The following SCHIP1 variants were observed in gnomAD, a reference collection of about 807,000 sequenced individuals.
SCHIP1 encodes the protein schwannomin interacting protein 1.
Under a neutral mutation model 29.7 loss-of-function variants are expected in SCHIP1, and 8 were observed. The ratio of observed to expected loss-of-function variants is 0.27; its 90% CI spans 0.16 to 0.49. The LOEUF (loss-of-function observed/expected upper bound fraction) is 0.49. SCHIP1 is among the 20% of genes least tolerant of loss of function. The probability of loss-of-function intolerance (pLI) is 0.99; values close to 1 mark genes in which losing one functional copy is unlikely to be tolerated. For missense variants in SCHIP1, 193 were observed against 294.6 expected (o/e 0.66, Z 2.52); for synonymous variants, 76 against 94.9 (o/e 0.80, Z 1.16).
the SCHIP1 span, among the ~76,000 whole-genome samples, chr3:159,522,851 G>A: frequency 6.6e-6 from 1 of 152,154 alleles, no homozygotes; most frequent in South Asian, 2.1e-4. Context: ...CCCGGCGACA[G>A]AGCGAGACTC....
the SCHIP1 span, among the ~76,000 whole-genome samples, chr3:159,713,730 T>C: frequency 1.3e-5 from 2 of 152,054 alleles, no homozygotes; most frequent in Admixed American, 6.5e-5. Context: ...AGCCAATACA[T>C]ATGGTGGGGG....
At chr3:159,662,230 A>G in the SCHIP1 span, among the ~76,000 whole-genome samples, 3 of 152,224 alleles carry the variant, frequency 2.0e-5, no homozygotes, top group East Asian at 1.9e-4. Context: ...CAATAGGGGA[A>G]TGACACAGCA....
chr3:159,464,862 A>G, the SCHIP1 span, among the ~76,000 whole-genome samples: 1 of 152,188 alleles, frequency 6.6e-6, no homozygotes, highest in Admixed American at 6.6e-5. Flanking sequence ...CTAAGCATTT[A>G]ATACTAGAAT....
At chr3:159,566,672 T>G in the SCHIP1 span, among the ~76,000 whole-genome samples, 2 of 152,100 alleles carry the variant, frequency 1.3e-5, no homozygotes, top group Non-Finnish European at 2.9e-5. Context: ...AAACAGCCAG[T>G]GCAAATGCCC....
the SCHIP1 span, among the ~76,000 whole-genome samples, chr3:159,649,088 T>A: frequency 6.6e-6 from 1 of 152,188 alleles, no homozygotes; most frequent in Non-Finnish European, 1.5e-5. Context: ...AGAGATTAGA[T>A]ATCTGGCTTT....
the SCHIP1 span, among the ~76,000 whole-genome samples, chr3:159,461,610 C>G: frequency 6.6e-6 from 1 of 151,088 alleles, no homozygotes; most frequent in Non-Finnish European, 1.5e-5. Flanking sequence ...GAGTCTCACT[C>G]TGTCGCCCAG....
chr3:159,293,702 A>T, the SCHIP1 span, among the ~76,000 whole-genome samples: 2 of 152,136 alleles, frequency 1.3e-5, no homozygotes. Context: ...TCCTCTGTTT[A>T]TTGTCCTGAT....
chr3:159,480,814 A>G, the SCHIP1 span, among the ~76,000 whole-genome samples: 1 of 152,174 alleles, frequency 6.6e-6, no homozygotes. Flanking sequence ...CCTTGTGAAC[A>G]GAGTCCACCA....
chr3:159,710,373 G>A, the SCHIP1 span, among the ~76,000 whole-genome samples: 12 of 152,162 alleles, frequency 7.9e-5, no homozygotes, highest in African/African-American at 2.9e-4. Flanking sequence ...TGGTACCAGA[G>A]GCTGGTTGGG....
the SCHIP1 span, among the ~76,000 whole-genome samples, chr3:159,407,353 A>G: frequency 6.6e-6 from 1 of 152,216 alleles, no homozygotes; most frequent in African/African-American, 2.4e-5. Context: ...TTTTAAATAT[A>G]TATGCAATCA....
chr3:159,608,601 T>C, the SCHIP1 span, among the ~76,000 whole-genome samples: 1 of 152,172 alleles, frequency 6.6e-6, no homozygotes, highest in Admixed American at 6.5e-5. Flanking sequence ...AGTTAAGTAC[T>C]TCAATATTTG....
chr3:159,720,433 C>T, the SCHIP1 span, among the ~76,000 whole-genome samples: 186 of 151,988 alleles, frequency 1.2e-3, no homozygotes, highest in African/African-American at 4.4e-3. Context: ...ACTTAGAGAA[C>T]ATCTTGCCCT....
chr3:159,338,461 G>T, the SCHIP1 span, among the ~76,000 whole-genome samples: 544 of 152,212 alleles, frequency 3.6e-3, 2 homozygotes, highest in African/African-American at 0.012. Flanking sequence ...TAAGAACATG[G>T]TATAAGATGA....
chr3:159,380,470 G>A, the SCHIP1 span, among the ~76,000 whole-genome samples: 3 of 152,004 alleles, frequency 2.0e-5, no homozygotes, highest in African/African-American at 4.8e-5. Flanking sequence ...ATTTCTTTTC[G>A]TAAAAAATAA....
the SCHIP1 span, among the ~76,000 whole-genome samples, chr3:159,425,503 A>C: frequency 6.6e-6 from 1 of 152,260 alleles, no homozygotes; most frequent in Non-Finnish European, 1.5e-5. Flanking sequence ...TATCCTAAAT[A>C]TATATGCGCC....
chr3:159,462,273 A>G, the SCHIP1 span, among the ~76,000 whole-genome samples: 34,221 of 152,046 alleles, frequency 0.23, 4,345 homozygotes, highest in East Asian at 0.4. Flanking sequence ...CAGAGGTACC[A>G]TTGTTAGCAG....
At chr3:159,694,154 C>T in the SCHIP1 span, among the ~76,000 whole-genome samples, 36 of 152,128 alleles carry the variant, frequency 2.4e-4, no homozygotes, top group African/African-American at 8.7e-4. Context: ...CCTATCTGGG[C>T]TTTCAAATCC....
At chr3:159,802,377 A>G in the SCHIP1 span, among the ~76,000 whole-genome samples, 1 of 152,280 alleles carries the variant, frequency 6.6e-6, no homozygotes, top group African/African-American at 2.4e-5. Flanking sequence ...AGTAACCAGT[A>G]TTTTACTTTT....
the SCHIP1 span, among the ~76,000 whole-genome samples, chr3:159,434,094 T>C: frequency 1.3e-5 from 2 of 152,214 alleles, no homozygotes; most frequent in South Asian, 2.1e-4. Flanking sequence ...CTCAGTGAAC[T>C]CTATAAAAGT....
Sources: allele counts gnomAD v4.1 joint callset (sites outside exome capture counted in the v4.1 genomes callset), GRCh38; gene constraint gnomAD v4.1.1; transcripts MANE v1.5; gene names NCBI Gene and HGNC (gene_info 2026-07-23, HGNC 2026-07-21).